The following ARHGAP10 variants were observed in gnomAD, a reference collection of about 807,000 sequenced individuals.
ARHGAP10 encodes the protein Rho GTPase activating protein 10, also known as rho GTPase-activating protein 10.
In ARHGAP10, 87 loss-of-function variants were observed where a neutral mutation model predicts 108.6. The observed-to-expected ratio is 0.80, with a 90% CI of 0.67 to 0.96. The LOEUF (loss-of-function observed/expected upper bound fraction) is 0.96, where lower values mean the gene tolerates loss of function less well. Ranked by LOEUF, ARHGAP10 falls within the 40% of genes least tolerant of loss-of-function variation. ARHGAP10 has a pLI of 0.00. For missense variants in ARHGAP10, 939 were observed against 954.5 expected, an observed-to-expected ratio of 0.98 and a Z score of 0.21; for synonymous variants, 347 against 341.1, an observed-to-expected ratio of 1.02 and a Z score of -0.19.
intron 18 of ARHGAP10, among the ~76,000 whole-genome samples, chr4:147,974,618 GACCTTAGCTTTGTGT>G (rs1253313724): frequency 2.6e-5 from 4 of 152,134 alleles, no homozygotes; most frequent in Admixed American, 1.3e-4. Context: ...TGCTTTGGTT[GACCTTAGCTTTGTGT>G]GGTACTTCAG....
intron 12 of ARHGAP10, 81 bp downstream of exon 12, chr4:147,909,858 C>G: frequency 7.1e-7 from 1 of 1,399,444 alleles, no homozygotes; most frequent in Non-Finnish European, 1.0e-6. Context: ...CAAGCTGTTG[C>G]TGGGAGCTTA....
At chr4:147,821,725 A>C (rs1732503582) in intron 1 of ARHGAP10, among the ~76,000 whole-genome samples, 2 of 152,210 alleles carry the variant, frequency 1.3e-5, no homozygotes, top group Non-Finnish European at 2.9e-5. Flanking sequence ...TTACCATAAT[A>C]TGACTCAGTC....
At chr4:147,912,960 T>C in intron 12 of ARHGAP10, 114 bp from the exon 13 acceptor site, 1 of 1,063,278 alleles carries the variant, frequency 9.4e-7, no homozygotes, top group Non-Finnish European at 1.4e-6. Context: ...CTTTAGCTTT[T>C]TAATAGTAAT....
In ARHGAP10 at chr4:147,822,950, A is replaced by C; in HGVS notation, c.305A>C (p.Glu102Ala). The change falls in exon 3 of 23, where the codon GAA becomes GCA. Residue 102 changes from glutamate (E) to alanine (A), a missense_variant. Coordinates refer to ENST00000336498, the MANE Select transcript of ARHGAP10 (RefSeq NM_024605.4). ...NFLKNLEEQR[E>A]IMALSVTETL... is the part of the protein sequence containing the mutation. The stretch of plus-strand genomic sequence containing the variant: ...TTGAAGAATCTGGAGGAACAGAGAG[A>C]AATTATGGTGAGTTGAGAGGGGTGT... 3 of 1,613,140 alleles carry C rather than the reference A, an allele frequency of 1.9e-6. No homozygotes were observed. Among genetic ancestry groups the C allele is most frequent in the East Asian group, 2.2e-5 (1 of 44,880 alleles).
chr4:148,064,612 T>G lies in ARHGAP10; in HGVS notation c.2272+105T>G, dbSNP rs186399163. On this transcript the variant is annotated intron_variant, in intron 22 of 22. Coordinates refer to ENST00000336498, the MANE Select transcript of ARHGAP10 (RefSeq NM_024605.4). ...ATGGTGCTGTTGTCGGGAGGGCGAG[T>G]CTCCCCCTTGATGCTTTGGACTGGA... is the stretch of plus-strand genomic sequence containing the variant. 165 of 967,786 alleles carry G rather than the reference T, an allele frequency of 1.7e-4. 1 individual carries two copies. In the East Asian group the frequency reaches 3.5e-3, roughly 20 times the overall value. 59.9% of individuals were successfully genotyped at this position (967,786 alleles called of 1,614,324 possible).
intron 14 of ARHGAP10, among the ~76,000 whole-genome samples, chr4:147,945,316 C>T (rs2126969159): frequency 6.6e-6 from 1 of 151,782 alleles, no homozygotes. Flanking sequence ...TGCCATATAC[C>T]TTTTCTTTAG....
chr4:148,022,084 A>G (rs1741589365), intron 18 of ARHGAP10, among the ~76,000 whole-genome samples: 1 of 152,212 alleles, frequency 6.6e-6, no homozygotes, highest in African/African-American at 2.4e-5. Context: ...CCTCACTTGT[A>G]TCGAAGGTTG....
intron 10 of ARHGAP10, among the ~76,000 whole-genome samples, chr4:147,895,705 C>T (rs1250020712): frequency 6.6e-6 from 1 of 151,260 alleles, no homozygotes; most frequent in Non-Finnish European, 1.5e-5. Flanking sequence ...AAAAAGACAG[C>T]TTTATTTCTT....
intron 16 of ARHGAP10, among the ~76,000 whole-genome samples, chr4:147,963,815 C>T (rs992106564): frequency 6.6e-6 from 1 of 152,194 alleles, no homozygotes; most frequent in Admixed American, 6.5e-5. Context: ...CTTAGTATCC[C>T]TTGGCTTGTG....
At chr4:148,008,512 G>A (rs1391677114) in intron 18 of ARHGAP10, among the ~76,000 whole-genome samples, 2 of 151,284 alleles carry the variant, frequency 1.3e-5, no homozygotes, top group Non-Finnish European at 2.9e-5. Flanking sequence ...GTAGGTAGAG[G>A]CCGGGGTGAT....
chr4:148,068,872 T>G (rs537329212), intron 22 of ARHGAP10, among the ~76,000 whole-genome samples: 15 of 152,298 alleles, frequency 9.8e-5, no homozygotes, highest in African/African-American at 3.6e-4. Flanking sequence ...CCTGCCTCTC[T>G]TTGGTGCTAC....
chr4:147,771,632 T>C (rs1730086600), intron 1 of ARHGAP10, among the ~76,000 whole-genome samples: 1 of 152,200 alleles, frequency 6.6e-6, no homozygotes, highest in Non-Finnish European at 1.5e-5. Context: ...GCATGCATAA[T>C]GTTAGCTTTC....
intron 19 of ARHGAP10, among the ~76,000 whole-genome samples, chr4:148,034,909 A>G (rs184884718): frequency 9.2e-5 from 14 of 152,324 alleles, no homozygotes; most frequent in African/African-American, 3.4e-4. Context: ...TCTTTAAACA[A>G]TGCCCCAGGA....
intron 10 of ARHGAP10, among the ~76,000 whole-genome samples, chr4:147,902,602 G>T (rs373817908): frequency 2.0e-5 from 3 of 152,080 alleles, no homozygotes; most frequent in African/African-American, 7.2e-5. Context: ...TTAGCTGGGT[G>T]TAGTGGCTGT....
intron 4 of ARHGAP10, among the ~76,000 whole-genome samples, chr4:147,848,786 T>C (rs564519461): frequency 1.2e-4 from 18 of 152,366 alleles, no homozygotes; most frequent in African/African-American, 4.3e-4. Flanking sequence ...GAATCTTCTA[T>C]TGACTCATTT....
At chr4:147,790,821 A>G (rs1731087479) in intron 1 of ARHGAP10, among the ~76,000 whole-genome samples, 2 of 152,216 alleles carry the variant, frequency 1.3e-5, no homozygotes, top group South Asian at 2.1e-4. Context: ...TGAATACTTC[A>G]GTACTTGCAT....
intron 13 of ARHGAP10, among the ~76,000 whole-genome samples, chr4:147,934,196 C>T (rs1737831620): frequency 6.6e-6 from 1 of 152,202 alleles, no homozygotes; most frequent in African/African-American, 2.4e-5. Flanking sequence ...ATAGTTTCAA[C>T]TGCAGGCTCA....
intron 9 of ARHGAP10, 112 bp downstream of exon 9, chr4:147,879,450 A>G: frequency 1.1e-6 from 1 of 871,170 alleles, no homozygotes; most frequent in Non-Finnish European, 1.7e-6. Context: ...TGGTAAATAA[A>G]TTGTTAGTAT....
intron 18 of ARHGAP10, among the ~76,000 whole-genome samples, chr4:147,967,680 G>A (rs1658390080): frequency 6.6e-6 from 1 of 152,114 alleles, no homozygotes; most frequent in Non-Finnish European, 1.5e-5. Flanking sequence ...CTACTCTTAC[G>A]ATACAACAGA....
Sources: gnomAD v4.1 joint callset for allele counts (sites outside exome capture counted in the v4.1 genomes callset) on GRCh38, gnomAD v4.1.1 for gene constraint, MANE v1.5 for transcripts, NCBI Gene and HGNC (gene_info 2026-07-23, HGNC 2026-07-21) for gene names.